Variants in TARS3 observed in about 807,000 individuals in gnomAD.
TARS3 encodes the protein threonine--tRNA ligase 2, cytoplasmic.
A neutral mutation model predicts 103.5 loss-of-function variants in TARS3; 94 were observed. The ratio of observed to expected loss-of-function variants is 0.91; its 90% CI spans 0.77 to 1.08. The LOEUF is 1.08. Among genes scored for constraint, TARS3 ranks in the 50% least tolerant of loss-of-function variants. The pLI is 0.00. For missense variants in TARS3, 952 were observed against 995.2 expected, an observed-to-expected ratio of 0.96 and a Z score of 0.58; for synonymous variants, 416 against 355.4, an observed-to-expected ratio of 1.17 and a Z score of -1.92.
At chr15:101,699,533 G>C in intron 10 of TARS3, 1 of 437,260 alleles carries the variant, frequency 2.3e-6, no homozygotes, top group Non-Finnish European at 4.6e-6. Flanking sequence ...GGTGCCAGGG[G>C]CCATGCTGAT....
At chr15:101,655,881 A>C (rs1486126460) in intron 18 of TARS3, 1 of 1,287,124 alleles carries the variant, frequency 7.8e-7, no homozygotes, top group East Asian at 5.5e-5. Flanking sequence ...TGAGCCAAGG[A>C]GTGGACACCA....
intron 10 of TARS3, among the ~76,000 whole-genome samples, chr15:101,697,695 G>A (rs180754577): frequency 1.3e-5 from 2 of 152,186 alleles, no homozygotes; most frequent in Admixed American, 6.5e-5. Flanking sequence ...TCTTAAGGGC[G>A]GGGCTGTAAG....
chr15:101,721,439 G>T, intron 2 of TARS3, 117 bp from the exon 3 acceptor site: 1 of 669,714 alleles, frequency 1.5e-6, no homozygotes, highest in Non-Finnish European at 2.4e-6. Flanking sequence ...ATGGTCCCAA[G>T]CTTACCATGG....
At chr15:101,655,121 C>T (rs1357615901) in intron 18 of TARS3, among the ~76,000 whole-genome samples, 1 of 148,216 alleles carries the variant, frequency 6.7e-6, no homozygotes, top group African/African-American at 2.5e-5. Context: ...CCCCACCTGG[C>T]ACTAGGGTGC....
At chr15:101,685,831 A>G (rs1375844190) in intron 11 of TARS3, 65 bp downstream of exon 11, 1 of 1,330,820 alleles carries the variant, frequency 7.5e-7, no homozygotes. Context: ...AAGCATTAAA[A>G]GATAATTGTG....
rs1157341553 is a variant in TARS3, at chr15:101,661,990, CTTTTA to C, written c.1968-179_1968-175del. On this transcript the variant is annotated intron_variant, in intron 15 of 18. Coordinates refer to ENST00000335968, the MANE Select transcript of TARS3 (RefSeq NM_152334.3). ...ATTGCTTTCTTTGCTAATCTTTTTT[CTTTTA>C]TTTTAAAAACTTTTTATTAGAGCGC... Among the ~76,000 whole-genome samples, 4 of 151,814 alleles carry C rather than the reference CTTTTA, an allele frequency of 2.6e-5. No homozygotes were observed. In the East Asian group the frequency reaches 5.8e-4, roughly 22 times the overall value.
At chr15:101,657,139 C>T in intron 17 of TARS3, 103 bp from the exon 18 acceptor site, 1 of 719,150 alleles carries the variant, frequency 1.4e-6, no homozygotes, top group East Asian at 2.7e-5. Context: ...GTATAGTTCC[C>T]TGCTCACTAT....
chr15:101,671,699 G>T lies in TARS3; in HGVS notation c.1838C>A (p.Pro613Gln). ...MDFGEPWKMN[P>Q]GDGAFYGPKI... ...AGGGCCATAAAATGCTCCATCTCCT[G>T]GGTTCATTTTCCACGGTTCTCCAAA... Residue 613 changes from proline (P) to glutamine (Q), a missense_variant, in exon 14 of 19, where the codon CCA (proline) becomes CAA (glutamine). Transcript: ENST00000335968. 1 of 1,613,966 alleles carries T rather than the reference G, an allele frequency of 6.2e-7. No homozygotes were observed. Among genetic ancestry groups the T allele is most frequent in the South Asian group, 1.1e-5 (1 of 91,070 alleles).
In TARS3 at chr15:101,702,360, T is replaced by C. The variant is rs758444489; in HGVS notation, c.1100A>G (p.Asn367Ser). ...FKNSSTYWEG[N>S]PEMETLQRIY... ...CCTCTGCAATGTTTCCATTTCCGGA[T>C]TGCCCTCCCAATATGTTGAGGAATT... The change falls in exon 9 of 19, where the codon AAT becomes AGT. Residue 367 changes from asparagine (N) to serine (S), a missense_variant. By Grantham distance (46) the Asn-to-Ser change is conservative. Coordinates refer to ENST00000335968, the MANE Select transcript of TARS3 (RefSeq NM_152334.3). 2.2e-5 allele frequency: 35 copies of C among 1,613,894 alleles called. No homozygotes were observed. The South Asian group carries it at 2.2e-4, about 10-fold the overall frequency.
intron 12 of TARS3, among the ~76,000 whole-genome samples, chr15:101,679,621 T>A (rs1008729449): frequency 2.6e-5 from 4 of 152,254 alleles, no homozygotes; most frequent in Non-Finnish European, 5.9e-5. Flanking sequence ...GTTATTTCAG[T>A]GTTACCGTTC....
rs908950702 is a variant in TARS3, at chr15:101,711,947, C to G, written c.745G>C (p.Gly249Arg). ...GGCGGACCGTAGCACAGGTGGCCTC[C>G]ATAGTAAAGCTCCATGGCCTCCCCA... ...ILGEAMELYY[G>R]GHLCYGPPIE... The change falls in exon 5 of 19, where the codon GGA becomes CGA. Residue 249 changes from glycine to arginine, a missense_variant. Gly to Arg is a moderately radical substitution (Grantham distance 125). Transcript: ENST00000335968. 1 of 1,613,950 alleles carries G rather than the reference C, an allele frequency of 6.2e-7. No individual in the cohort carries two copies.
chr15:101,720,278 T>C (rs1445619639), intron 3 of TARS3, among the ~76,000 whole-genome samples: 1 of 152,202 alleles, frequency 6.6e-6, no homozygotes, highest in South Asian at 2.1e-4. Flanking sequence ...GTATAGAAGC[T>C]ATATAATTGT....
chr15:101,705,690 C>A lies in TARS3; in HGVS notation c.988G>T (p.Val330Leu). Residue 330 changes from valine (V) to leucine (L), a missense_variant, in exon 7 of 19, where the codon GTG becomes TTG. Transcript: ENST00000335968. ...NEKVNTATTTVYRCGPLIDLC... is the reference protein window; with the variant it reads ...NEKVNTATTTLYRCGPLIDLC... ...CCATGTGTGGACACAAACCTGTACA[C>A]GGTGGTAGTTGCAGTGTTAACTTTC... 1 of 1,610,754 alleles carries A rather than the reference C, an allele frequency of 6.2e-7. No individual in the cohort carries two copies. Among genetic ancestry groups the A allele is most frequent in the Non-Finnish European group, 8.5e-7 (1 of 1,178,054 alleles).
chr15:101,658,478 G>C (rs1417280406), intron 16 of TARS3, among the ~76,000 whole-genome samples: 2 of 152,074 alleles, frequency 1.3e-5, no homozygotes, highest in African/African-American at 4.8e-5. Context: ...AAATGATGGA[G>C]CTAGAGAACA....
chr15:101,721,102 T>C, intron 3 of TARS3, 24 bp downstream of exon 3: 1 of 1,568,030 alleles, frequency 6.4e-7, no homozygotes, highest in Non-Finnish European at 8.7e-7. Context: ...TAAGATTGAA[T>C]ATCTTTTCCA....
At chr15:101,716,420 T>C (rs1900162307) in intron 3 of TARS3, among the ~76,000 whole-genome samples, 1 of 152,156 alleles carries the variant, frequency 6.6e-6, no homozygotes, top group African/African-American at 2.4e-5. Context: ...TGTTTATATC[T>C]TTCCATATTA....
At chr15:101,717,353 A>G (rs184782185) in intron 3 of TARS3, among the ~76,000 whole-genome samples, 2 of 152,366 alleles carry the variant, frequency 1.3e-5, no homozygotes, top group East Asian at 3.9e-4. Context: ...TCAGGATTAC[A>G]TAATGTGTAC....
At chr15:101,711,191 A>G (rs1899849933) in intron 5 of TARS3, among the ~76,000 whole-genome samples, 1 of 152,234 alleles carries the variant, frequency 6.6e-6, no homozygotes, top group East Asian at 1.9e-4. Context: ...ATGCTCTAGC[A>G]AGTCCAAGAT....
chr15:101,671,816 A>C, intron 13 of TARS3, 68 bp from the exon 14 acceptor site: 1 of 1,261,678 alleles, frequency 7.9e-7, no homozygotes, highest in Non-Finnish European at 1.1e-6. Flanking sequence ...CAGCTCACAA[A>C]AGTTACTATA....
Sources: allele counts gnomAD v4.1 joint callset (sites outside exome capture counted in the v4.1 genomes callset), GRCh38; gene constraint gnomAD v4.1.1; transcripts MANE v1.5; gene names NCBI Gene and HGNC (gene_info 2026-07-23, HGNC 2026-07-21).